GRAMD1B: variants seen among roughly 807,000 people sequenced by gnomAD.
GRAMD1B encodes the protein GRAM domain containing 1B.
In GRAMD1B, 37 loss-of-function variants were observed where a neutral mutation model predicts 99.7. The ratio of observed to expected loss-of-function variants is 0.37; its 90% CI spans 0.29 to 0.49. The LOEUF is 0.49. Among genes scored for constraint, GRAMD1B ranks in the 20% least tolerant of loss-of-function variants. The pLI, the probability that GRAMD1B is intolerant of heterozygous loss-of-function variation, is 0.98. For synonymous variants in GRAMD1B, 427 were observed against 387.6 expected (o/e 1.10, Z -1.19); for missense variants, 888 against 1,009.2 (o/e 0.88, Z 1.63).
exon 1 of GRAMD1B, chr11:123,358,460 G>A (rs755454221): frequency 1.3e-5 from 2 of 152,182 alleles, no homozygotes; most frequent in Admixed American, 1.3e-4. Flanking sequence ...GGAGCTCCGA[G>A]CCCACGGAGA....
chr11:123,533,358 G>C (rs545696779), intron 2 of GRAMD1B, among the ~76,000 whole-genome samples: 2 of 152,174 alleles, frequency 1.3e-5, no homozygotes, highest in Non-Finnish European at 2.9e-5. Flanking sequence ...ATGGTAATGT[G>C]ATGATAAGGA....
chr11:123,373,234 A>G (rs11822822), intron 1 of GRAMD1B, among the ~76,000 whole-genome samples: 59,237 of 152,172 alleles, frequency 0.39, 17,753 homozygotes, highest in African/African-American at 0.84. Flanking sequence ...AAAGAGGCTA[A>G]AACTGTGTTG....
At chr11:123,582,801 A>G (rs1454337770) in intron 3 of GRAMD1B, among the ~76,000 whole-genome samples, 2 of 152,218 alleles carry the variant, frequency 1.3e-5, no homozygotes, top group Admixed American at 6.5e-5. Context: ...CTCTAGACAC[A>G]GCAGACATTC....
chr11:123,602,838 T>TG (rs1403296066), intron 8 of GRAMD1B, among the ~76,000 whole-genome samples: 24 of 152,202 alleles, frequency 1.6e-4, no homozygotes, highest in Non-Finnish European at 1.9e-4. Flanking sequence ...TTAGGTGAGA[T>TG]GACCTGTAAG....
At chr11:123,465,647 T>G (rs1309820839) in intron 1 of GRAMD1B, among the ~76,000 whole-genome samples, 1 of 151,772 alleles carries the variant, frequency 6.6e-6, no homozygotes, top group African/African-American at 2.4e-5. Context: ...TGCATACCTG[T>G]AATCCCAGCT....
At chr11:123,359,257 G>C (rs1946057969) in intron 1 of GRAMD1B, among the ~76,000 whole-genome samples, 1 of 151,856 alleles carries the variant, frequency 6.6e-6, no homozygotes, top group Non-Finnish European at 1.5e-5. Context: ...TCCCTACCTG[G>C]CTGCCCCATC....
At position 123,517,483 on chromosome 11, in the gene GRAMD1B, A is replaced by C. The variant is rs114828664; in HGVS notation, c.452+36590A>C. Among the ~76,000 whole-genome samples the C allele has an allele frequency of 6.6e-3, 1,011 of 152,340 alleles. 11 individuals are homozygous for C. Among genetic ancestry groups the C allele is most frequent in the African/African-American group, 0.024 (979 of 41,578 alleles). ...TTGCTCTTAGTGTCATCCGCTCCGC[A>C]TAGCAACCTGATGGGTGCTTGTCAT... On this transcript the variant is annotated intron_variant, in intron 2 of 19. Coordinates refer to ENST00000635736, the MANE Select transcript of GRAMD1B (RefSeq NM_001387025.1).
intron 17 of GRAMD1B, 65 bp from the exon 18 acceptor site, chr11:123,618,628 G>C: frequency 2.2e-6 from 2 of 929,530 alleles, no homozygotes; most frequent in Non-Finnish European, 3.5e-6. Context: ...CTCTGGGATG[G>C]GGGATGTCCT....
chr11:123,401,626 G>C (rs1487844286), intron 1 of GRAMD1B, among the ~76,000 whole-genome samples: 1 of 152,226 alleles, frequency 6.6e-6, no homozygotes, highest in Non-Finnish European at 1.5e-5. Context: ...GATGGCTTTG[G>C]GGAAAGCCAG....
intron 1 of GRAMD1B, among the ~76,000 whole-genome samples, chr11:123,382,755 A>G (rs1946923296): frequency 6.6e-6 from 1 of 152,178 alleles, no homozygotes; most frequent in Non-Finnish European, 1.5e-5. Context: ...AGGTGTGGGT[A>G]AAGTTAAGGG....
At chr11:123,534,184 A>G (rs749729835) in intron 2 of GRAMD1B, among the ~76,000 whole-genome samples, 1 of 152,252 alleles carries the variant, frequency 6.6e-6, no homozygotes, top group Non-Finnish European at 1.5e-5. Flanking sequence ...ATTATGCATT[A>G]TATACTGTAT....
chr11:123,607,042 A>G (rs1952841106), intron 11 of GRAMD1B, among the ~76,000 whole-genome samples: 1 of 152,052 alleles, frequency 6.6e-6, no homozygotes, highest in African/African-American at 2.4e-5. Context: ...CCCCCTATTG[A>G]CATTGGCTTG....
intron 1 of GRAMD1B, among the ~76,000 whole-genome samples, chr11:123,391,375 C>T (rs1268676087): frequency 6.6e-6 from 1 of 152,166 alleles, no homozygotes; most frequent in Non-Finnish European, 1.5e-5. Flanking sequence ...CCTTATATAT[C>T]TAACTTTCTG....
At position 123,430,789 on chromosome 11, in the gene GRAMD1B, C is replaced by G; in HGVS notation, c.-4C>G. ...TCAGGGGGAGCGCAGAGGCGACGGC[C>G]CCCATGCCGGCGGCCAACATGATGG... On this transcript the variant is annotated 5_prime_UTR_variant, in exon 1 of 20. Transcript: ENST00000635736. 1 of 676,026 alleles carries G rather than the reference C, an allele frequency of 1.5e-6. No homozygotes were observed. The highest frequency in any genetic ancestry group is 1.6e-5 in the South Asian group (1 of 62,864). The allele number at this position is 676,026 out of a possible 1,614,324, so 41.9% of individuals were successfully genotyped here. A position where few individuals can be genotyped will look rare whatever the true frequency, so the allele number is the denominator to read the frequency against.
intron 1 of GRAMD1B, among the ~76,000 whole-genome samples, chr11:123,432,980 G>C (rs1948970915): frequency 6.6e-6 from 1 of 152,190 alleles, no homozygotes; most frequent in South Asian, 2.1e-4. Flanking sequence ...AGTTCTTTCT[G>C]TTTGGTACTT....
chr11:123,539,223 G>A (rs1269996207), intron 2 of GRAMD1B, among the ~76,000 whole-genome samples: 1 of 152,032 alleles, frequency 6.6e-6, no homozygotes, highest in Non-Finnish European at 1.5e-5. Flanking sequence ...GTAAGACCCT[G>A]TCTCTTAAAA....
At chr11:123,593,849 A>G (rs1233168154) in intron 4 of GRAMD1B, among the ~76,000 whole-genome samples, 1 of 151,908 alleles carries the variant, frequency 6.6e-6, no homozygotes, top group Non-Finnish European at 1.5e-5. Flanking sequence ...TGTGTCTGGC[A>G]TTTCTCACTG....
chr11:123,438,635 CTG>C, intron 1 of GRAMD1B, among the ~76,000 whole-genome samples: 1 of 152,264 alleles, frequency 6.6e-6, no homozygotes, highest in East Asian at 1.9e-4. Flanking sequence ...CCAGCTTCCT[CTG>C]TGGGAGTTGG....
intron 1 of GRAMD1B, among the ~76,000 whole-genome samples, chr11:123,443,305 A>G (rs1949493849): frequency 6.6e-6 from 1 of 152,008 alleles, no homozygotes; most frequent in Non-Finnish European, 1.5e-5. Flanking sequence ...GAAAAAAGTC[A>G]AACTCTGTAA....
Sources: allele counts gnomAD v4.1 joint callset (sites outside exome capture counted in the v4.1 genomes callset), GRCh38; gene constraint gnomAD v4.1.1; transcripts MANE v1.5; gene names NCBI Gene and HGNC (gene_info 2026-07-23, HGNC 2026-07-21).